C22orf31: variants seen among roughly 807,000 people sequenced by gnomAD.
The protein encoded by C22orf31 is uncharacterized protein C22orf31.
Under a neutral mutation model 15.0 loss-of-function variants are expected in C22orf31, and 11 were observed. The observed-to-expected ratio is 0.73, with a 90% CI of 0.46 to 1.21. The LOEUF is 1.21. Ranked by LOEUF, C22orf31 falls within the 50% of genes most tolerant of loss-of-function variation. The pLI, the probability that C22orf31 is intolerant of heterozygous loss-of-function variation, is 0.00. For synonymous variants in C22orf31, 132 were observed against 133.3 expected (o/e 0.99, Z 0.07); for missense variants, 340 against 347.2 (o/e 0.98, Z 0.17).
chr22:29,065,296 C>T (rs1391676954), upstream of C22orf31, among the ~76,000 whole-genome samples: 1 of 151,948 alleles, frequency 6.6e-6, no homozygotes, highest in Non-Finnish European at 1.5e-5. Context: ...GGTTTATGGC[C>T]GGTGTGGTGG....
chr22:29,061,368 G>A (rs977584401), intron 1 of C22orf31, among the ~76,000 whole-genome samples: 6 of 152,168 alleles, frequency 3.9e-5, no homozygotes, highest in Non-Finnish European at 8.8e-5. Context: ...CCGGGCTCAA[G>A]GGATTCTTCT....
chr22:29,068,497 GCC>G, the C22orf31 span, among the ~76,000 whole-genome samples: 1 of 148,774 alleles, frequency 6.7e-6, no homozygotes, highest in Non-Finnish European at 1.5e-5. Flanking sequence ...TGCAACCTCT[GCC>G]TCTCGGGTTC....
Position 29,059,036 on chromosome 22 carries a change from T to C in C22orf31, c.579A>G (p.Gln193=), listed in dbSNP as rs757978840. The C allele has an allele frequency of 2.5e-6, 4 of 1,614,028 alleles. No homozygotes were observed. In the African/African-American group the frequency reaches 4.0e-5, roughly 16 times the overall value. The change falls in exon 3 of 3, where the codon CAA becomes CAG. Residue 193 remains glutamine (Q), a synonymous_variant. Transcript: ENST00000216071. ...WKGRVLLPET[Q]KRQQLSEDTL... ...TGTCCTCCGACAACTGCTGTCTCTT[T>C]TGGGTTTCAGGAAGCAACACTCGGC...
rs1379512706 is a variant in C22orf31, at chr22:29,058,732, G to A, written c.*10C>T. The A allele has an allele frequency of 6.3e-7, 1 of 1,595,208 alleles. No homozygotes were observed. Among genetic ancestry groups the A allele is most frequent in the Non-Finnish European group, 8.6e-7 (1 of 1,168,942 alleles). ...AGCAGAGAATACTCTAATCCCATGA[G>A]TTCTTGTTCCTATTTTTTGCTCTTT... On this transcript the variant is annotated 3_prime_UTR_variant, in exon 3 of 3. Transcript: ENST00000216071.
chr22:29,059,015 C>A lies in C22orf31; in HGVS notation c.600G>T (p.Glu200Asp). Reference protein sequence around the residue: ...PETQKRQQLSEDTLTIHGLPT... With the variant: ...PETQKRQQLSDDTLTIHGLPT... ...GGAGACCATGGATGGTTAGCGTGTCCTCCGACAACTGCTGTCTCTTTTGGG... is the reference window on the plus strand; with the variant it reads ...GGAGACCATGGATGGTTAGCGTGTCATCCGACAACTGCTGTCTCTTTTGGG... Residue 200 changes from glutamate (E) to aspartate (D), a missense_variant, in exon 3 of 3, where the codon GAG becomes GAT. By Grantham distance (45) the Glu-to-Asp change is conservative. Transcript: ENST00000216071. The A allele has an allele frequency of 6.2e-7, 1 of 1,614,232 alleles. No individual in the cohort carries two copies. The highest frequency in any genetic ancestry group is 1.1e-5 in the South Asian group (1 of 91,086).
chr22:29,070,848 G>A, the C22orf31 span, among the ~76,000 whole-genome samples: 1 of 152,138 alleles, frequency 6.6e-6, no homozygotes, highest in African/African-American at 2.4e-5. Context: ...CGGAATTTGT[G>A]TGTTTTCAGG....
chr22:29,063,176 C>T (rs2037407180), upstream of C22orf31, among the ~76,000 whole-genome samples: 1 of 152,106 alleles, frequency 6.6e-6, no homozygotes, highest in South Asian at 2.1e-4. Context: ...TACTCAATGA[C>T]TCTGCTTGGT....
At chr22:29,063,224 G>C (rs2037407579), upstream of C22orf31, among the ~76,000 whole-genome samples, 1 of 152,090 alleles carries the variant, frequency 6.6e-6, no homozygotes, top group African/African-American at 2.4e-5. Flanking sequence ...GAGTGCAGTG[G>C]TGCGATCTCG....
Position 29,058,753 on chromosome 22 carries a change from T to G in C22orf31, c.862A>C (p.Ser288Arg). ...ATGAGTTCTTGTTCCTATTTTTTGC[T>G]CTTTAACTTGGGCCATTTCTTGAGT... is the stretch of plus-strand genomic sequence containing the variant. ...PVLKKWPKLK[S>R]KK Residue 288 changes from serine (S) to arginine (R), a missense_variant, in exon 3 of 3, where the codon AGC becomes CGC. Ser to Arg is a moderately radical substitution (Grantham distance 110). Coordinates refer to ENST00000216071, the MANE Select transcript of C22orf31 (RefSeq NM_015370.2). 1.9e-6 allele frequency: 3 copies of G among 1,606,698 alleles called. No individual in the cohort carries two copies. Among genetic ancestry groups the G allele is most frequent in the Non-Finnish European group, 2.5e-6 (3 of 1,177,398 alleles).
At chr22:29,073,296 G>T in the C22orf31 span, 2 of 606,432 alleles carry the variant, frequency 3.3e-6, no homozygotes, top group Admixed American at 5.2e-5. The surrounding 1 kb of genome is among the most constrained non-coding windows in gnomAD (Gnocchi z 4.4). Flanking sequence ...AGGGCCGGCC[G>T]GCCTGAGAGC....
chr22:29,060,934 CTTT>C, intron 1 of C22orf31, 91 bp from the exon 2 acceptor site: 1 of 1,050,884 alleles, frequency 9.5e-7, no homozygotes, highest in Non-Finnish European at 1.4e-6. Context: ...ATATTAACAT[CTTT>C]TTATAGGCCA....
intron 1 of C22orf31, among the ~76,000 whole-genome samples, chr22:29,061,163 G>A (rs1418461186): frequency 1.3e-5 from 2 of 152,080 alleles, no homozygotes; most frequent in African/African-American, 4.8e-5. Context: ...CGGACGGCAG[G>A]GTCACTCAAG....
chr22:29,064,968 C>T (rs558277298), upstream of C22orf31, among the ~76,000 whole-genome samples: 10 of 152,134 alleles, frequency 6.6e-5, no homozygotes, highest in South Asian at 1.9e-3. Context: ...ATTCTCCTGC[C>T]TCAGCCTCCC....
upstream of C22orf31, among the ~76,000 whole-genome samples, chr22:29,062,357 C>T (rs1342466675): frequency 7.9e-5 from 12 of 152,176 alleles, no homozygotes; most frequent in South Asian, 2.3e-3. Flanking sequence ...GAACACGTTC[C>T]TGCAGACCTG....
upstream of C22orf31, among the ~76,000 whole-genome samples, chr22:29,064,150 G>C (rs2037413736): frequency 6.6e-6 from 1 of 152,162 alleles, no homozygotes; most frequent in Non-Finnish European, 1.5e-5. Context: ...ATACAGGTGT[G>C]AATCACCACA....
rs1179170226 is a variant in C22orf31 at position 29,059,202 on chromosome 22, A to G, written c.433-20T>C. On this transcript the variant is annotated intron_variant, in intron 2 of 2. Transcript: ENST00000216071. ...TTTACTCTAGCCAGGAAGAAAGCAG[A>G]GAAGTCAAAGCTAAAACTTGAGAGG... is the stretch of plus-strand genomic sequence containing the variant. The G allele has an allele frequency of 9.0e-6, 14 of 1,553,818 alleles. No individual in the cohort carries two copies. The highest frequency in any genetic ancestry group is 1.2e-5 in the Non-Finnish European group (14 of 1,150,858).
chr22:29,071,590 C>T, the C22orf31 span, among the ~76,000 whole-genome samples: 1 of 152,164 alleles, frequency 6.6e-6, no homozygotes, highest in African/African-American at 2.4e-5. Flanking sequence ...ACTTGCAAGC[C>T]CGGGACCAGG....
the C22orf31 span, chr22:29,073,013 C>T: frequency 2.5e-5 from 4 of 162,772 alleles, no homozygotes; most frequent in Non-Finnish European, 5.0e-5. The surrounding 1 kb of genome is among the most constrained non-coding windows in gnomAD (Gnocchi z 4.4). Context: ...GCGGGGCGGC[C>T]GGGCGGCCGG....
At chr22:29,060,383 TCA>T (rs1014184150) in intron 2 of C22orf31, 30 bp downstream of exon 2, 5 of 1,576,314 alleles carry the variant, frequency 3.2e-6, no homozygotes, top group Non-Finnish European at 4.3e-6. Context: ...CCCTCGCCAG[TCA>T]CATTTTCCCC....
Sources: gnomAD v4.1 joint callset for allele counts (sites outside exome capture counted in the v4.1 genomes callset) on GRCh38, gnomAD v4.1.1 for gene constraint, Gnocchi (gnomAD v3.1) non-coding constraint, MANE v1.5 for transcripts, NCBI Gene and HGNC (gene_info 2026-07-23, HGNC 2026-07-21) for gene names.